Variants in GLCE observed in about 807,000 individuals in gnomAD.
The protein encoded by GLCE is glucuronic acid epimerase.
A neutral mutation model predicts 47.9 loss-of-function variants in GLCE; 19 were observed. The ratio of observed to expected loss-of-function variants is 0.40; its 90% CI spans 0.28 to 0.58. GLCE has a LOEUF of 0.58. GLCE is among the 20% of genes least tolerant of loss of function. The pLI is 0.48. For missense variants in GLCE, 556 were observed against 743.3 expected (o/e 0.75, Z 2.93); for synonymous variants, 245 against 263.4 (o/e 0.93, Z 0.68).
At chr15:69,230,001 G>C (rs1428072213) in intron 2 of GLCE, among the ~76,000 whole-genome samples, 1 of 152,106 alleles carries the variant, frequency 6.6e-6, no homozygotes, top group East Asian at 1.9e-4. Context: ...CTTGAGGTCA[G>C]GAGGTTGAGA....
chr15:69,242,882 CTAAAAA>C (rs199797458), intron 2 of GLCE, among the ~76,000 whole-genome samples: 2 of 151,068 alleles, frequency 1.3e-5, no homozygotes, highest in African/African-American at 2.4e-5. Context: ...TTCATCTCTA[CTAAAAA>C]TAAAAATAAA....
At position 69,268,312 on chromosome 15, in the gene GLCE, G is replaced by A. The variant is rs772721583; in HGVS notation, c.922G>A (p.Val308Met). The stretch of plus-strand genomic sequence containing the variant: ...GTTCTTGACAAATGGAAGTGTGTCC[G>A]TGGTTCTAGAGACCACAGAAAAGAA... ...LKFLTNGSVS[V>M]VLETTEKNQL... Residue 308 changes from valine to methionine, a missense_variant, in exon 5 of 5, where the codon GTG becomes ATG. Coordinates refer to ENST00000261858, the MANE Select transcript of GLCE (RefSeq NM_015554.3). The A allele has an allele frequency of 2.7e-5, 43 of 1,612,366 alleles. No homozygotes were observed. The highest frequency in any genetic ancestry group is 3.3e-5 in the Admixed American group (2 of 59,962).
At position 69,270,987 on chromosome 15, in the gene GLCE, A is replaced by G. The variant is rs2140463827; in HGVS notation, c.*1743A>G. ...ATTCCCAGTGCCGATGTTCAAAATA[A>G]ACTTTCTCCAGTCTGGGAACCTTTT... On this transcript the variant is annotated 3_prime_UTR_variant, in exon 5 of 5. Coordinates refer to ENST00000261858, the MANE Select transcript of GLCE (RefSeq NM_015554.3). The G allele has an allele frequency of 6.6e-6, 1 of 152,364 alleles. No individual in the cohort carries two copies. The highest frequency in any genetic ancestry group is 1.9e-4 in the East Asian group (1 of 5,190). The allele number at this position is 152,364 out of a possible 1,614,324, so 9.4% of individuals were successfully genotyped here.
At chr15:69,192,111 A>G (rs1299991200) in intron 1 of GLCE, among the ~76,000 whole-genome samples, 1 of 152,096 alleles carries the variant, frequency 6.6e-6, no homozygotes, top group African/African-American at 2.4e-5. Flanking sequence ...AGTTTTCAAC[A>G]AAGTGGAAAT....
At chr15:69,202,131 G>A (rs2052084657) in intron 1 of GLCE, among the ~76,000 whole-genome samples, 1 of 151,914 alleles carries the variant, frequency 6.6e-6, no homozygotes, top group African/African-American at 2.4e-5. Context: ...TGTTACCCAG[G>A]CTGGTCTTGA....
rs116217459 is a variant in GLCE, at chr15:69,215,440, A to G, written c.-14+5034A>G. Among the ~76,000 whole-genome samples the G allele has an allele frequency of 6.5e-3, 983 of 152,216 alleles. 10 individuals are homozygous for G. Among genetic ancestry groups the G allele is most frequent in the African/African-American group, 0.023 (940 of 41,526 alleles). On this transcript the variant is annotated intron_variant, in intron 2 of 4. Coordinates refer to ENST00000261858, the MANE Select transcript of GLCE (RefSeq NM_015554.3). ...TTTTGTTGCTGAGTAGTATTCTATT[A>G]TATGTACACGATTTGCTTATTCATT...
chr15:69,167,782 A>G (rs1372347334), intron 1 of GLCE, among the ~76,000 whole-genome samples: 2 of 152,050 alleles, frequency 1.3e-5, no homozygotes, highest in Admixed American at 6.5e-5. Flanking sequence ...CTTTAAATGA[A>G]GAGTTGGAAT....
intron 1 of GLCE, among the ~76,000 whole-genome samples, chr15:69,163,672 G>A (rs970477036): frequency 6.6e-6 from 1 of 152,198 alleles, no homozygotes; most frequent in African/African-American, 2.4e-5. Flanking sequence ...GATTCTTCAG[G>A]AGGGAGTTGC....
At chr15:69,189,759 C>T (rs955269199) in intron 1 of GLCE, among the ~76,000 whole-genome samples, 1 of 152,062 alleles carries the variant, frequency 6.6e-6, no homozygotes, top group African/African-American at 2.4e-5. Flanking sequence ...TGTGTACTTC[C>T]CTTCAGAAGA....
chr15:69,250,028 T>C (rs562054204), intron 2 of GLCE, among the ~76,000 whole-genome samples: 18 of 152,336 alleles, frequency 1.2e-4, no homozygotes, highest in African/African-American at 3.8e-4. Flanking sequence ...ATTATATTTC[T>C]AATGAAATAA....
intron 2 of GLCE, among the ~76,000 whole-genome samples, chr15:69,232,166 A>T (rs1312606897): frequency 6.6e-6 from 1 of 152,224 alleles, no homozygotes; most frequent in African/African-American, 2.4e-5. Flanking sequence ...TTTATTTGCA[A>T]GAAAATAACA....
At chr15:69,198,179 A>G (rs1373435516) in intron 1 of GLCE, among the ~76,000 whole-genome samples, 1 of 152,016 alleles carries the variant, frequency 6.6e-6, no homozygotes, top group Non-Finnish European at 1.5e-5. Flanking sequence ...GAGCCCCTAA[A>G]ATACTTTATT....
At chr15:69,168,220 C>A (rs1404802242) in intron 1 of GLCE, among the ~76,000 whole-genome samples, 1 of 152,012 alleles carries the variant, frequency 6.6e-6, no homozygotes, top group African/African-American at 2.4e-5. Flanking sequence ...ATTGCTTGAG[C>A]CTAGGAGTTT....
At chr15:69,176,218 T>TTTG (rs2051661209) in intron 1 of GLCE, among the ~76,000 whole-genome samples, 1 of 130,368 alleles carries the variant, frequency 7.7e-6, no homozygotes, top group Non-Finnish European at 1.7e-5. Context: ...GGAACCTTGT[T>TTTG]TTTTTTTTTT....
intron 2 of GLCE, among the ~76,000 whole-genome samples, chr15:69,251,261 A>G (rs2052840588): frequency 6.6e-6 from 1 of 152,204 alleles, no homozygotes; most frequent in Non-Finnish European, 1.5e-5. Context: ...GGTAAGTGAT[A>G]TATTTTTTAT....
At position 69,203,603 on chromosome 15, in the gene GLCE, A is replaced by G. The variant is rs535087304; in HGVS notation, c.-104-6713A>G. Reference sequence around the variant, plus strand: ...ACACATGGCTTCAGTTAGAAAGGATATGGTACCAGGTAATGTCATCAGTTT... The same window carrying G: ...ACACATGGCTTCAGTTAGAAAGGATGTGGTACCAGGTAATGTCATCAGTTT... On this transcript the variant is annotated intron_variant, in intron 1 of 4. Coordinates refer to ENST00000261858, the MANE Select transcript of GLCE (RefSeq NM_015554.3). Among the ~76,000 whole-genome samples, 4 of 152,224 alleles carry G rather than the reference A, an allele frequency of 2.6e-5. No homozygotes were observed. In the South Asian group the frequency reaches 8.3e-4, roughly 32 times the overall value.
In GLCE at chr15:69,261,083, A is replaced by G. The variant is rs560361543; in HGVS notation, c.587-4A>G. On this transcript the variant is annotated splice_region_variant and splice_polypyrimidine_tract_variant and intron_variant, in intron 3 of 4. Coordinates refer to ENST00000261858, the MANE Select transcript of GLCE (RefSeq NM_015554.3). Reference sequence around the variant, plus strand: ...ATTATTCATTTTGTTTCTCTATTTTATAGGTGTGCCATTATCTACACAATG... The same window carrying G: ...ATTATTCATTTTGTTTCTCTATTTTGTAGGTGTGCCATTATCTACACAATG... The G allele has an allele frequency of 1.2e-5, 19 of 1,609,644 alleles. No individual in the cohort carries two copies. Among genetic ancestry groups the G allele is most frequent in the African/African-American group, 1.1e-4 (8 of 74,848 alleles).
intron 2 of GLCE, among the ~76,000 whole-genome samples, chr15:69,213,119 A>T (rs1377485324): frequency 6.6e-6 from 1 of 152,144 alleles, no homozygotes; most frequent in Non-Finnish European, 1.5e-5. Context: ...TGTACAAATA[A>T]GTTACAATGA....
Position 69,188,951 on chromosome 15 carries a change from TCC to T in GLCE, c.-104-21359_-104-21358del, listed in dbSNP as rs1285420627. On this transcript the variant is annotated intron_variant, in intron 1 of 4. Transcript: ENST00000261858. Reference sequence around the variant, plus strand: ...GAGTGGAAAATACAGAGTTCTTATATCCCCCCCACCAGCCTTTCCCACTTCAA... The same window carrying T: ...GAGTGGAAAATACAGAGTTCTTATATCCCCCACCAGCCTTTCCCACTTCAA... Among the ~76,000 whole-genome samples the T allele has an allele frequency of 5.3e-5, 8 of 152,172 alleles. No homozygotes were observed. In the East Asian group the frequency reaches 1.3e-3, roughly 26 times the overall value.
Sources: gnomAD v4.1 joint callset for allele counts (sites outside exome capture counted in the v4.1 genomes callset) on GRCh38, gnomAD v4.1.1 for gene constraint, MANE v1.5 for transcripts, NCBI Gene and HGNC (gene_info 2026-07-23, HGNC 2026-07-21) for gene names.